Variants in CNTNAP2 observed in about 807,000 individuals in gnomAD.
CNTNAP2 encodes contactin-associated protein-like 2.
A neutral mutation model predicts 155.2 loss-of-function variants in CNTNAP2; 98 were observed. That is an observed-to-expected ratio of 0.63 (90% CI 0.54 to 0.75). CNTNAP2 has a LOEUF of 0.75. Ranked by LOEUF, CNTNAP2 falls within the 30% of genes least tolerant of loss-of-function variation. The probability of loss-of-function intolerance (pLI) is 0.00; values close to 1 mark genes in which losing one functional copy is unlikely to be tolerated. For missense variants in CNTNAP2, 1,727 were observed against 1,688.1 expected, an observed-to-expected ratio of 1.02 and a Z score of -0.40; for synonymous variants, 651 against 631.2, an observed-to-expected ratio of 1.03 and a Z score of -0.47.
At chr7:147,492,619 T>C (rs1275385836) in intron 11 of CNTNAP2, among the ~76,000 whole-genome samples, 1 of 152,174 alleles carries the variant, frequency 6.6e-6, no homozygotes, top group African/African-American at 2.4e-5. Flanking sequence ...AACCATCAGA[T>C]CCTTAGGCTA....
At chr7:148,370,986 G>T (rs573502741) in intron 21 of CNTNAP2, among the ~76,000 whole-genome samples, 215 of 152,146 alleles carry the variant, frequency 1.4e-3, no homozygotes, top group African/African-American at 4.9e-3. Context: ...ACACACCCCG[G>T]TTTATTATTG....
At chr7:147,350,367 C>T (rs563679020) in intron 9 of CNTNAP2, among the ~76,000 whole-genome samples, 14 of 151,814 alleles carry the variant, frequency 9.2e-5, no homozygotes, top group Admixed American at 5.9e-4. Context: ...TTCCTATTTC[C>T]GATGCCCAAG....
intron 15 of CNTNAP2, among the ~76,000 whole-genome samples, chr7:148,079,582 A>G (rs906834484): frequency 3.3e-5 from 5 of 152,226 alleles, no homozygotes; most frequent in Admixed American, 6.5e-5. Flanking sequence ...AAGACCTGGA[A>G]ATGGAAAGGG....
At chr7:147,167,476 C>A (rs949801147) in intron 8 of CNTNAP2, 3 of 1,028,434 alleles carry the variant, frequency 2.9e-6, no homozygotes, top group South Asian at 1.4e-5. Flanking sequence ...CCTGCCCCTG[C>A]CCCACTGGAG....
intron 4 of CNTNAP2, among the ~76,000 whole-genome samples, chr7:147,087,643 G>T (rs923893399): frequency 6.6e-6 from 1 of 152,026 alleles, no homozygotes; most frequent in Non-Finnish European, 1.5e-5. Context: ...CCCAAAGTGG[G>T]GGAGCTCCTA....
intron 3 of CNTNAP2, among the ~76,000 whole-genome samples, chr7:146,968,912 A>G (rs1276719398): frequency 2.1e-5 from 3 of 144,878 alleles, no homozygotes; most frequent in South Asian, 2.3e-4. Context: ...TAGGGTGTCA[A>G]TTTTGGATCT....
At chr7:146,317,844 A>T (rs1445237910) in intron 1 of CNTNAP2, among the ~76,000 whole-genome samples, 4 of 152,222 alleles carry the variant, frequency 2.6e-5, no homozygotes, top group Non-Finnish European at 5.9e-5. Flanking sequence ...ATTGTTTCCA[A>T]TAAAAAGATG....
At chr7:147,448,114 A>C (rs919471195) in intron 10 of CNTNAP2, among the ~76,000 whole-genome samples, 1 of 152,138 alleles carries the variant, frequency 6.6e-6, no homozygotes, top group African/African-American at 2.4e-5. Flanking sequence ...ACAACTGATT[A>C]ACAATTAAAT....
At chr7:147,621,181 C>G (rs577570531) in intron 12 of CNTNAP2, among the ~76,000 whole-genome samples, 15 of 152,150 alleles carry the variant, frequency 9.9e-5, no homozygotes, top group African/African-American at 3.6e-4. Context: ...TCTAGACAAA[C>G]AGAAGCTGAG....
intron 1 of CNTNAP2, among the ~76,000 whole-genome samples, chr7:146,535,197 C>CATATATA (rs1491464846): frequency 3.0e-5 from 1 of 33,044 alleles, no homozygotes; most frequent in Non-Finnish European, 4.2e-5. Flanking sequence ...GATATTATAT[C>CATATATA]ATATATCATA....
intron 12 of CNTNAP2, among the ~76,000 whole-genome samples, chr7:147,638,652 A>T (rs1457706551): frequency 6.6e-6 from 1 of 152,160 alleles, no homozygotes; most frequent in African/African-American, 2.4e-5. Context: ...AGATGAGGAT[A>T]CATATTCTGA....
intron 21 of CNTNAP2, among the ~76,000 whole-genome samples, chr7:148,329,828 A>T (rs548030366): frequency 1.3e-5 from 2 of 152,064 alleles, no homozygotes; most frequent in Non-Finnish European, 2.9e-5. Flanking sequence ...AAGTGAGGAG[A>T]TATCTCTTCA....
intron 9 of CNTNAP2, among the ~76,000 whole-genome samples, chr7:147,342,082 G>C (rs1563167459): frequency 6.6e-6 from 1 of 152,054 alleles, no homozygotes; most frequent in Non-Finnish European, 1.5e-5. Flanking sequence ...TCACATGACT[G>C]AGAGAGACTG....
intron 20 of CNTNAP2, among the ~76,000 whole-genome samples, chr7:148,248,634 C>T (rs1048998303): frequency 2.6e-5 from 4 of 152,146 alleles, no homozygotes; most frequent in African/African-American, 9.7e-5. Flanking sequence ...AATATACCCC[C>T]ATGCATTTAT....
intron 10 of CNTNAP2, among the ~76,000 whole-genome samples, chr7:147,420,957 A>G (rs1584938813): frequency 6.6e-6 from 1 of 152,328 alleles, no homozygotes; most frequent in African/African-American, 2.4e-5. Flanking sequence ...GTTCACCTCC[A>G]AAGGAGGATC....
chr7:147,931,297 A>G (rs983588219), intron 14 of CNTNAP2, among the ~76,000 whole-genome samples: 1 of 148,950 alleles, frequency 6.7e-6, no homozygotes, highest in African/African-American at 2.6e-5. Context: ...AAACTCAAAT[A>G]AATAAAATAA....
intron 1 of CNTNAP2, among the ~76,000 whole-genome samples, chr7:146,610,755 T>C (rs1308710249): frequency 1.3e-5 from 2 of 152,162 alleles, no homozygotes; most frequent in Non-Finnish European, 2.9e-5. Context: ...TTATTCTAGA[T>C]TTAGAAACAG....
chr7:146,952,643 C>T (rs1210354234), intron 3 of CNTNAP2, among the ~76,000 whole-genome samples: 2 of 152,008 alleles, frequency 1.3e-5, no homozygotes, highest in African/African-American at 4.8e-5. Context: ...AATAGACAAA[C>T]AAAGAGCCAA....
chr7:148,098,316 C>T (rs1007828243), intron 15 of CNTNAP2, among the ~76,000 whole-genome samples: 8 of 151,726 alleles, frequency 5.3e-5, no homozygotes, highest in African/African-American at 1.2e-4. Context: ...TGGTGGCACA[C>T]GCCTGTAGTC....
Sources: gnomAD v4.1 joint callset for allele counts (sites outside exome capture counted in the v4.1 genomes callset) on GRCh38, gnomAD v4.1.1 for gene constraint, MANE v1.5 for transcripts, NCBI Gene and HGNC (gene_info 2026-07-23, HGNC 2026-07-21) for gene names.